Variants in RBFOX2 observed in about 807,000 individuals in gnomAD.
The protein encoded by RBFOX2 is RNA binding fox-1 homolog 2.
A neutral mutation model predicts 49.1 loss-of-function variants in RBFOX2; 10 were observed. The ratio of observed to expected loss-of-function variants is 0.20; its 90% CI spans 0.13 to 0.35. RBFOX2 has a LOEUF of 0.35. Ranked by LOEUF, RBFOX2 falls within the 10% of genes least tolerant of loss-of-function variation. The pLI, the probability that RBFOX2 is intolerant of heterozygous loss-of-function variation, is 1.00. For missense variants in RBFOX2, 323 were observed against 486.9 expected, an observed-to-expected ratio of 0.66 and a Z score of 3.17; for synonymous variants, 183 against 187.4, an observed-to-expected ratio of 0.98 and a Z score of 0.19.
At chr22:35,756,218 G>A in intron 9 of RBFOX2, 74 bp from the exon 11 acceptor site, 3 of 1,392,862 alleles carry the variant, frequency 2.2e-6, no homozygotes, top group Non-Finnish European at 2.9e-6. Flanking sequence ...ATTGAGGACG[G>A]CAGCATGCAC....
intron 2 of RBFOX2, among the ~76,000 whole-genome samples, chr22:35,809,311 GGAAGAGTAATAAGATGTAGAGAA>G (rs1386005954): frequency 6.6e-6 from 1 of 152,100 alleles, no homozygotes; most frequent in Non-Finnish European, 1.5e-5. Context: ...GCAATTTGGT[GGAAGAGTAATAAGATGTAGAGAA>G]GAAGACGAAG....
At chr22:35,746,793 A>G (rs1296613805) in intron 9 of RBFOX2, 1 of 378,516 alleles carries the variant, frequency 2.6e-6, no homozygotes, top group Admixed American at 4.5e-5. Context: ...AATTTGTGAT[A>G]GTATTAAAAG....
chr22:35,745,163 A>C (rs552117487), intron 11 of RBFOX2, among the ~76,000 whole-genome samples: 5 of 152,130 alleles, frequency 3.3e-5, no homozygotes, highest in African/African-American at 1.2e-4. Context: ...CTCCTTTTCA[A>C]ACAACTCTAC....
chr22:35,856,712 T>C (rs1046574875), intron 1 of RBFOX2, among the ~76,000 whole-genome samples: 1 of 151,176 alleles, frequency 6.6e-6, no homozygotes, highest in Non-Finnish European at 1.5e-5. Context: ...GGAAGATATA[T>C]ATGCAGGCAA....
chr22:35,950,254 T>G (rs2054770927), intron 1 of RBFOX2, among the ~76,000 whole-genome samples: 1 of 152,120 alleles, frequency 6.6e-6, no homozygotes, highest in Admixed American at 6.5e-5. Flanking sequence ...TAATTGATTA[T>G]CAGCTCCAAA....
chr22:35,899,524 C>A (rs1603443378), intron 1 of RBFOX2, among the ~76,000 whole-genome samples: 2 of 147,940 alleles, frequency 1.4e-5, no homozygotes, highest in South Asian at 2.1e-4. Flanking sequence ...CTTTTTTATT[C>A]ATGCTCCTGC....
intron 1 of RBFOX2, among the ~76,000 whole-genome samples, chr22:35,889,747 A>T (rs2047024983): frequency 6.6e-6 from 1 of 152,170 alleles, no homozygotes; most frequent in Admixed American, 6.5e-5. Flanking sequence ...GCCATTGTCT[A>T]CATTTTGTGA....
At chr22:35,975,132 GT>G (rs1229853030) in intron 1 of RBFOX2, among the ~76,000 whole-genome samples, 1 of 152,084 alleles carries the variant, frequency 6.6e-6, no homozygotes, top group Non-Finnish European at 1.5e-5. Context: ...ACAAGCCCCA[GT>G]TTTTTATTGT....
At chr22:35,853,710 T>C (rs1440486957) in intron 1 of RBFOX2, among the ~76,000 whole-genome samples, 1 of 148,192 alleles carries the variant, frequency 6.7e-6, no homozygotes, top group South Asian at 2.2e-4. Context: ...TGTGTAGCCA[T>C]TAAGACAAAA....
chr22:35,987,591 A>C (rs556848678), intron 1 of RBFOX2, among the ~76,000 whole-genome samples: 1 of 152,366 alleles, frequency 6.6e-6, no homozygotes, highest in South Asian at 2.1e-4. Context: ...GATAATAAGC[A>C]AATTTTCCTA....
At chr22:35,811,402 A>G (rs1405517858) in intron 1 of RBFOX2, among the ~76,000 whole-genome samples, 1 of 152,160 alleles carries the variant, frequency 6.6e-6, no homozygotes, top group Non-Finnish European at 1.5e-5. Flanking sequence ...AAGAAAAGGG[A>G]ATGTGGATAC....
intron 1 of RBFOX2, among the ~76,000 whole-genome samples, chr22:35,924,022 TA>T (rs1382034656): frequency 7.2e-5 from 11 of 152,210 alleles, no homozygotes; most frequent in African/African-American, 2.7e-4. Context: ...ACATTTATTT[TA>T]AAACCCAGAT....
intron 1 of RBFOX2, among the ~76,000 whole-genome samples, chr22:35,837,983 A>G (rs1399075242): frequency 6.6e-6 from 1 of 152,234 alleles, no homozygotes; most frequent in African/African-American, 2.4e-5. Flanking sequence ...ACTAAGGGGA[A>G]ATGTTCCAAG....
chr22:35,957,105 T>C (rs775352577), intron 1 of RBFOX2, among the ~76,000 whole-genome samples: 1 of 152,182 alleles, frequency 6.6e-6, no homozygotes, highest in Non-Finnish European at 1.5e-5. Context: ...GTTATTAGAA[T>C]CACACTGATC....
intron 1 of RBFOX2, among the ~76,000 whole-genome samples, chr22:35,890,792 TA>T (rs1378481345): frequency 1.3e-5 from 2 of 151,948 alleles, no homozygotes; most frequent in African/African-American, 4.8e-5. Context: ...ATAGACAGTT[TA>T]AAATAAAATA....
At chr22:35,944,257 G>A (rs1458307359) in intron 1 of RBFOX2, among the ~76,000 whole-genome samples, 2 of 152,138 alleles carry the variant, frequency 1.3e-5, no homozygotes, top group African/African-American at 4.8e-5. Flanking sequence ...GGAGGTGAGT[G>A]ATAACTTCAA....
upstream of RBFOX2, among the ~76,000 whole-genome samples, chr22:35,940,583 G>A (rs1056898492): frequency 6.6e-6 from 1 of 152,076 alleles, no homozygotes; most frequent in African/African-American, 2.4e-5. Context: ...TTCCACACCT[G>A]GGTATGTAAC....
intron 3 of RBFOX2, 43 bp from the exon 5 acceptor site, chr22:35,778,121 T>C: frequency 6.7e-7 from 1 of 1,487,914 alleles, no homozygotes. Flanking sequence ...GGTCAGGTTT[T>C]TATCCACATA....
intron 1 of RBFOX2, among the ~76,000 whole-genome samples, chr22:35,832,431 T>C (rs953521675): frequency 4.6e-5 from 7 of 152,138 alleles, no homozygotes; most frequent in African/African-American, 7.2e-5. Context: ...ACAAAACTTA[T>C]AACAAAGATA....
Sources: allele counts gnomAD v4.1 joint callset (sites outside exome capture counted in the v4.1 genomes callset), GRCh38; gene constraint gnomAD v4.1.1; transcripts MANE v1.5; gene names NCBI Gene and HGNC (gene_info 2026-07-23, HGNC 2026-07-21).